CAP1: variants seen among roughly 807,000 people sequenced by gnomAD.
CAP1 encodes adenylyl cyclase-associated protein 1.
CAP1 carries 11 observed loss-of-function variants against 58.2 expected under a neutral mutation model. The observed-to-expected ratio is 0.19, with a 90% CI of 0.12 to 0.31. The LOEUF (loss-of-function observed/expected upper bound fraction) is 0.31, where lower values mean the gene tolerates loss of function less well. CAP1 is among the 10% of genes least tolerant of loss of function. CAP1 has a pLI of 1.00. For synonymous variants in CAP1, 183 were observed against 213.8 expected, an observed-to-expected ratio of 0.86 and a Z score of 1.26; for missense variants, 423 against 587.5, an observed-to-expected ratio of 0.72 and a Z score of 2.89.
intron 9 of CAP1, 138 bp downstream of exon 9, chr1:40,070,012 G>A (rs1215952801): frequency 1.4e-6 from 2 of 1,402,596 alleles, no homozygotes; most frequent in African/African-American, 1.4e-5. Context: ...CGGGGAAAAG[G>A]AGTAGGAACA....
chr1:40,055,867 C>T (rs1184061760), intron 1 of CAP1, among the ~76,000 whole-genome samples: 1 of 152,100 alleles, frequency 6.6e-6, no homozygotes, highest in East Asian at 1.9e-4. Flanking sequence ...ATGAGATACA[C>T]TAAATAGAGC....
Position 40,066,229 on chromosome 1 carries a change from T to C in CAP1, c.539T>C (p.Val180Ala), listed in dbSNP as rs773633550. The C allele has an allele frequency of 1.1e-4, 179 of 1,598,572 alleles. No individual in the cohort carries two copies. Among genetic ancestry groups the C allele is most frequent in the Non-Finnish European group, 1.5e-4 (175 of 1,167,366 alleles). Residue 180 changes from valine (V) to alanine (A), a missense_variant, in exon 7 of 13, where the codon GTA becomes GCA. Coordinates refer to ENST00000372805, the MANE Select transcript of CAP1 (RefSeq NM_006367.4). ...KEYKDVDKKH[V>A]DWVKAYLSIW... ...AATCCTCCCAGGGATAAGAAGCATGTAGACTGGGTCAAAGCTTATTTAAGT... is the reference window on the plus strand; with the variant it reads ...AATCCTCCCAGGGATAAGAAGCATGCAGACTGGGTCAAAGCTTATTTAAGT...
chr1:40,047,258 TC>T (rs1324645076), intron 1 of CAP1, among the ~76,000 whole-genome samples: 2 of 152,194 alleles, frequency 1.3e-5, no homozygotes, highest in Non-Finnish European at 2.9e-5. Context: ...GCTACAGCAT[TC>T]ACCATGAAAT....
intron 6 of CAP1, 107 bp from the exon 7 acceptor site, chr1:40,066,108 A>G (rs1647065594): frequency 3.0e-6 from 2 of 676,336 alleles, no homozygotes; most frequent in East Asian, 5.2e-5. Flanking sequence ...GGAGCCTAAG[A>G]AACACCACGG....
intron 1 of CAP1, among the ~76,000 whole-genome samples, chr1:40,053,427 T>A (rs1646468952): frequency 1.3e-5 from 2 of 152,084 alleles, no homozygotes; most frequent in African/African-American, 4.8e-5. Context: ...CCTAGGTTCT[T>A]TACTCACTAG....
rs1645779214 is a variant in CAP1, at chr1:40,040,804, G to C, written c.-11+3G>C. On this transcript the variant is annotated splice_donor_region_variant and intron_variant, in intron 1 of 12. Coordinates refer to ENST00000372805, the MANE Select transcript of CAP1 (RefSeq NM_006367.4). ...CGGAGGTGAGGCGGAACTCTGAGGT[G>C]AGGGTGTGCAGCTTGGTAGGGATTG... 6.5e-6 allele frequency: 1 copy of C among 153,212 alleles called. No individual in the cohort carries two copies. The highest frequency in any genetic ancestry group is 1.5e-5 in the Non-Finnish European group (1 of 68,492). The allele number at this position is 153,212 out of a possible 1,614,324, so 9.5% of individuals were successfully genotyped here.
Position 40,050,520 on chromosome 1 carries a change from G to A in CAP1, c.-10-8817G>A, listed in dbSNP as rs529774803. Among the ~76,000 whole-genome samples, 448 of 145,494 alleles carry A rather than the reference G, an allele frequency of 3.1e-3. 3 individuals carry two copies. Among genetic ancestry groups the A allele is most frequent in the African/African-American group, 0.011 (431 of 39,400 alleles). On this transcript the variant is annotated intron_variant, in intron 1 of 12. Coordinates refer to ENST00000372805, the MANE Select transcript of CAP1 (RefSeq NM_006367.4). The stretch of plus-strand genomic sequence containing the variant: ...CTAAAAATACAAAAATTCGCCGGGC[G>A]TGGTGGTGCATGCCTGTAGTTCCAG...
rs902382955 is a variant in CAP1 at position 40,070,900 on chromosome 1, A to G, written c.1265A>G (p.Lys422Arg). The change falls in exon 12 of 13, where the codon AAG (lysine) becomes AGG (arginine). Residue 422 changes from lysine (K) to arginine (R), a missense_variant. Coordinates refer to ENST00000372805, the MANE Select transcript of CAP1 (RefSeq NM_006367.4). ...GATGGCTGCCATGCTTACCTGAGCA[A>G]GAATTCCCTGGATTGTGAAATAGTC... The part of the protein sequence containing the change: ...KTDGCHAYLS[K>R]NSLDCEIVSA... 7.4e-6 allele frequency: 12 copies of G among 1,613,782 alleles called. No homozygotes were observed. Among genetic ancestry groups the G allele is most frequent in the Non-Finnish European group, 8.5e-6 (10 of 1,179,786 alleles).
intron 1 of CAP1, chr1:40,041,496 A>G (rs34619898): frequency 0.14 from 21,194 of 152,186 alleles, 1,761 homozygotes; most frequent in East Asian, 0.23. Flanking sequence ...CATTGAAGGT[A>G]TGTACTTCTG....
intron 7 of CAP1, among the ~76,000 whole-genome samples, chr1:40,066,894 G>C (rs1647110555): frequency 6.6e-6 from 1 of 152,182 alleles, no homozygotes; most frequent in Non-Finnish European, 1.5e-5. Flanking sequence ...AGGAGAAAAG[G>C]CTGGAAAGGA....
chr1:40,043,439 G>A (rs962269784), intron 1 of CAP1, among the ~76,000 whole-genome samples: 1 of 152,008 alleles, frequency 6.6e-6, no homozygotes, highest in Admixed American at 6.6e-5. Flanking sequence ...CTCGTGATCC[G>A]CCTGCCTCGC....
chr1:40,070,226 A>G lies in CAP1; in HGVS notation c.1061A>G (p.Tyr354Cys). 6.2e-7 allele frequency: 1 copy of G among 1,614,200 alleles called. No individual in the cohort carries two copies. The highest frequency in any genetic ancestry group is 8.5e-7 in the Non-Finnish European group (1 of 1,180,026). The change falls in exon 10 of 13, where the codon TAC becomes TGC. Residue 354 changes from tyrosine (Y) to cysteine (C), a missense_variant. By Grantham distance (194) the Tyr-to-Cys change is radical (BLOSUM62 -2). Coordinates refer to ENST00000372805, the MANE Select transcript of CAP1 (RefSeq NM_006367.4). ...GAGCTGAAACAGGTGGCTTACATAT[A>G]CAAGTGTGTCAACACGACATTGCAA... ...DTELKQVAYI[Y>C]KCVNTTLQIK...
In CAP1 at chr1:40,054,061, T is replaced by TAAAAC. The variant is rs74310729; in HGVS notation, c.-10-5259_-10-5255dup. Among the ~76,000 whole-genome samples, 607 of 152,132 alleles carry TAAAAC rather than the reference T, an allele frequency of 4.0e-3. 15 individuals carry two copies. The highest frequency in any genetic ancestry group is 0.037 in the East Asian group (190 of 5,184). The stretch of plus-strand genomic sequence containing the variant: ...CTGCAAAAGCAGATAAGCAAAAAAT[T>TAAAAC]AAAACAAAACAAAACAAAACACTTC... On this transcript the variant is annotated intron_variant, in intron 1 of 12. Coordinates refer to ENST00000372805, the MANE Select transcript of CAP1 (RefSeq NM_006367.4).
At chr1:40,067,514 G>A (rs1378682134) in intron 7 of CAP1, 26 bp from the exon 8 acceptor site, 2 of 1,586,286 alleles carry the variant, frequency 1.3e-6, no homozygotes, top group Non-Finnish European at 1.7e-6. Context: ...AGAGGATGAT[G>A]ATGTTACCTG....
chr1:40,068,315 G>A (rs1316253334), intron 8 of CAP1, among the ~76,000 whole-genome samples: 2 of 151,998 alleles, frequency 1.3e-5, no homozygotes, highest in East Asian at 1.9e-4. Context: ...TCGTTTCCCA[G>A]CCTGGAGTGC....
chr1:40,066,554 G>C, intron 7 of CAP1, among the ~76,000 whole-genome samples: 1 of 152,234 alleles, frequency 6.6e-6, no homozygotes, highest in Non-Finnish European at 1.5e-5. Flanking sequence ...GTTAGGGACA[G>C]TGATTGGTGC....
chr1:40,070,645 C>T, intron 11 of CAP1, 133 bp downstream of exon 11: 1 of 952,072 alleles, frequency 1.1e-6, no homozygotes, highest in Non-Finnish European at 1.6e-6. Flanking sequence ...TTGGACGTGG[C>T]AGAAGAAGGG....
At chr1:40,067,788 G>A (rs542298243) in intron 8 of CAP1, 71 bp downstream of exon 8, 56 of 1,117,902 alleles carry the variant, frequency 5.0e-5, no homozygotes, top group Admixed American at 1.4e-4. Context: ...AACCAGAACC[G>A]TCTGTAAACT....
chr1:40,045,736 A>G (rs1646064428), intron 1 of CAP1, among the ~76,000 whole-genome samples: 1 of 152,124 alleles, frequency 6.6e-6, no homozygotes, highest in South Asian at 2.1e-4. Context: ...TTGTATTTTT[A>G]GTAGGGACAG....
Sources: allele counts gnomAD v4.1 joint callset (sites outside exome capture counted in the v4.1 genomes callset), GRCh38; gene constraint gnomAD v4.1.1; transcripts MANE v1.5; gene names NCBI Gene and HGNC (gene_info 2026-07-23, HGNC 2026-07-21).